TPTE2: variants seen among roughly 807,000 people sequenced by gnomAD.
The protein encoded by TPTE2 is phosphatidylinositol 3,4,5-trisphosphate 3-phosphatase TPTE2.
TPTE2 carries 53 observed loss-of-function variants against 78.6 expected under a neutral mutation model. The ratio of observed to expected loss-of-function variants is 0.67; its 90% CI spans 0.54 to 0.85. TPTE2 has a LOEUF of 0.85. Among genes scored for constraint, TPTE2 ranks in the 40% least tolerant of loss-of-function variants. The pLI is 0.00. For missense variants in TPTE2, 461 were observed against 623.0 expected, an observed-to-expected ratio of 0.74 and a Z score of 2.77; for synonymous variants, 175 against 206.2, an observed-to-expected ratio of 0.85 and a Z score of 1.30.
chr13:19,458,772 G>T, intron 10 of TPTE2: 1 of 394,570 alleles, frequency 2.5e-6, no homozygotes, highest in South Asian at 1.9e-5. Flanking sequence ...TCAGAAGCCA[G>T]ACATCCCACT....
exon 10 of TPTE2, chr13:19,464,484 C>T (rs751893847): frequency 9.3e-6 from 15 of 1,612,890 alleles, no homozygotes; most frequent in Non-Finnish European, 1.1e-5. Flanking sequence ...GAAAGACTGC[C>T]TTCCAGAAGA....
chr13:19,471,285 T>C (rs939537670), intron 6 of TPTE2, among the ~76,000 whole-genome samples: 4 of 152,216 alleles, frequency 2.6e-5, no homozygotes, highest in African/African-American at 7.2e-5. Flanking sequence ...AGTGTTATCA[T>C]TGATAAGTAA....
intron 1 of TPTE2, among the ~76,000 whole-genome samples, chr13:19,523,112 C>T (rs1870272618): frequency 6.6e-6 from 1 of 152,130 alleles, no homozygotes; most frequent in African/African-American, 2.4e-5. Flanking sequence ...AGTCAGGTCA[C>T]GTAATGACGT....
Position 19,472,867 on chromosome 13 carries a change from T to C in TPTE2, c.392+1047A>G, listed in dbSNP as rs1180290026. ...CTTTCTTGGGAAGGCTTTCCAGATA[T>C]TTGAAAGAACTTGGATATTGTGATC... On this transcript the variant is annotated intron_variant, in intron 6 of 19. Transcript: ENST00000400230. 2.0e-5 allele frequency among the ~76,000 whole-genome samples: 3 copies of C among 152,260 alleles called. No individual in the cohort carries two copies. In the East Asian group the frequency reaches 5.8e-4, roughly 29 times the overall value.
rs151078954 is a variant in TPTE2 at position 19,438,146 on chromosome 13, G to A, written c.981C>T (p.Thr327=). 449 of 1,607,746 alleles carry A rather than the reference G, an allele frequency of 2.8e-4. 3 individuals are homozygous for A. The African/African-American group carries it at 5.6e-3, about 20-fold the overall frequency. Residue 327 remains threonine (T), a synonymous_variant, in exon 14 of 20, where the codon ACC becomes ACT. Transcript: ENST00000400230. ...TAAGGAGGGCACAAACCATAGTCCC[G>A]GTTCTTCCTAGAAAAGAAAAGAAGT...
intron 1 of TPTE2, among the ~76,000 whole-genome samples, chr13:19,496,738 C>T (rs1440024015): frequency 6.6e-5 from 10 of 152,210 alleles, no homozygotes; most frequent in Non-Finnish European, 1.2e-4. Context: ...CAATCTGGTA[C>T]GCTCTCAAAC....
chr13:19,555,331 A>G, the TPTE2 span, among the ~76,000 whole-genome samples: 1 of 152,238 alleles, frequency 6.6e-6, no homozygotes, highest in African/African-American at 2.4e-5. Flanking sequence ...AGAACTTAGT[A>G]TGGAACAAGA....
chr13:19,526,557 G>T (rs879230573), intron 1 of TPTE2, among the ~76,000 whole-genome samples: 138 of 148,592 alleles, frequency 9.3e-4, no homozygotes, highest in African/African-American at 2.9e-3. Context: ...AGACATTGGG[G>T]CCTACTTGAG....
intron 1 of TPTE2, among the ~76,000 whole-genome samples, chr13:19,519,105 T>C (rs1289594555): frequency 3.3e-5 from 5 of 152,136 alleles, no homozygotes; most frequent in Non-Finnish European, 5.9e-5. Flanking sequence ...TCAGGCTCTT[T>C]ACACAAGGCA....
chr13:19,500,246 T>A (rs2137665545), intron 1 of TPTE2, among the ~76,000 whole-genome samples: 1 of 149,324 alleles, frequency 6.7e-6, no homozygotes, highest in Middle Eastern at 3.5e-3. Context: ...TACCATTCCT[T>A]CTGAAACTAT....
chr13:19,503,211 A>G lies in TPTE2; in HGVS notation c.11+13T>C, dbSNP rs762150142. ...TAATTAGATAAATAAAGACACATGT[A>G]TGCATAACTCACCTTTCATTCATAC... On this transcript the variant is annotated intron_variant, in intron 1 of 19. Transcript: ENST00000400230. The G allele has an allele frequency of 1.9e-6, 3 of 1,613,674 alleles. No individual in the cohort carries two copies. The highest frequency in any genetic ancestry group is 2.5e-6 in the Non-Finnish European group (3 of 1,179,688).
intron 3 of TPTE2, among the ~76,000 whole-genome samples, chr13:19,490,169 A>AT: frequency 6.6e-6 from 1 of 152,234 alleles, no homozygotes; most frequent in Non-Finnish European, 1.5e-5. Context: ...TTGTGAGTGA[A>AT]TTTTACCAAT....
At chr13:19,436,329 A>G (rs1383880372) in intron 14 of TPTE2, 23 bp from the exon 18 acceptor site, 4 of 1,600,846 alleles carry the variant, frequency 2.5e-6, no homozygotes, top group Admixed American at 3.4e-5. Context: ...GTACAATCCA[A>G]CCATGGTTCA....
Position 19,467,432 on chromosome 13 carries a change from C to G in TPTE2, c.393-88G>C, listed in dbSNP as rs1037387477. On this transcript the variant is annotated intron_variant, in intron 6 of 19. Coordinates refer to ENST00000400230, the Ensembl canonical transcript of TPTE2. The stretch of plus-strand genomic sequence containing the variant: ...TAAAGACCACAAACTACTGACTCAT[C>G]CCCATTAAGAATTCTACTATCATGA... 3.3e-5 allele frequency: 34 copies of G among 1,028,484 alleles called. No homozygotes were observed. In the African/African-American group the frequency reaches 5.8e-4, roughly 17 times the overall value. The allele number at this position is 1,028,484 out of a possible 1,614,324, so 63.7% of individuals were successfully genotyped here.
At chr13:19,465,410 G>A (rs192168577) in intron 8 of TPTE2, 55 bp downstream of exon 11, 3 of 1,608,202 alleles carry the variant, frequency 1.9e-6, no homozygotes, top group Non-Finnish European at 1.7e-6. Context: ...CCTTGCCAAT[G>A]GGTCCCAAAA....
chr13:19,465,101 G>A (rs1279917668), intron 9 of TPTE2, among the ~76,000 whole-genome samples, 154 bp downstream of exon 12: 1 of 152,166 alleles, frequency 6.6e-6, no homozygotes, highest in East Asian at 1.9e-4. Context: ...TCCATTGCCA[G>A]GGCTAAACCA....
In TPTE2 at chr13:19,475,592, C is replaced by T. The variant is rs779704588; in HGVS notation, c.211G>A (p.Val71Ile). ...ACATACCCAAATGCAAAGGATGATA[C>T]AATTGAATGCACAATTTTCTTAATC... The change falls in exon 5 of 20, where the codon GTA becomes ATA. Residue 71 changes from valine to isoleucine, a missense_variant. By Grantham distance (29) the Val-to-Ile change is conservative. Coordinates refer to ENST00000400230, the Ensembl canonical transcript of TPTE2. 3 of 1,608,614 alleles carry T rather than the reference C, an allele frequency of 1.9e-6. No homozygotes were observed. In the South Asian group the frequency reaches 3.3e-5, roughly 18 times the overall value.
chr13:19,556,858 A>C, the TPTE2 span, among the ~76,000 whole-genome samples: 1 of 152,206 alleles, frequency 6.6e-6, no homozygotes, highest in Non-Finnish European at 1.5e-5. Context: ...CTCATCACTT[A>C]TACGCTGGAG....
intron 1 of TPTE2, among the ~76,000 whole-genome samples, chr13:19,531,257 A>G (rs1465420439): frequency 1.3e-5 from 2 of 152,186 alleles, no homozygotes; most frequent in African/African-American, 4.8e-5. Context: ...ATGGATGAAC[A>G]TTTGAGTTGT....
Sources: allele counts gnomAD v4.1 joint callset (sites outside exome capture counted in the v4.1 genomes callset), GRCh38; gene constraint gnomAD v4.1.1; transcripts MANE v1.5; gene names NCBI Gene and HGNC (gene_info 2026-07-23, HGNC 2026-07-21).